APAF1: variants seen among roughly 807,000 people sequenced by gnomAD.
APAF1 encodes the protein apoptotic protease-activating factor 1.
Under a neutral mutation model 152.4 loss-of-function variants are expected in APAF1, and 91 were observed. The ratio of observed to expected loss-of-function variants is 0.60; its 90% confidence interval spans 0.50 to 0.71. The LOEUF is 0.71. Ranked by LOEUF, APAF1 falls within the 30% of genes least tolerant of loss-of-function variation. APAF1 has a pLI of 0.00. For synonymous variants in APAF1, 484 were observed against 494.1 expected (o/e 0.98, Z 0.27); for missense variants, 1,283 against 1,472.0 (o/e 0.87, Z 2.10).
In APAF1 at chr12:98,647,290, ATCCCAAATTTTGCTACTCAGAAGTAAC is replaced by A. The variant is rs1191604593; in HGVS notation, c.-41-1026_-41-1000del. Among the ~76,000 whole-genome samples the A allele has an allele frequency of 6.4e-4, 97 of 151,770 alleles. 1 individual carries two copies. Among genetic ancestry groups the A allele is most frequent in the African/African-American group, 2.3e-3 (96 of 41,434 alleles). On this transcript the variant is annotated intron_variant, in intron 1 of 26. Coordinates refer to ENST00000551964, the MANE Select transcript of APAF1 (RefSeq NM_181861.2). ...AAAAATAAGACAAGGTGGGGGAGAA[ATCCCAAATTTTGCTACTCAGAAGTAAC>A]TCAAACATTTCGATGAATAAACTTC...
chr12:98,651,045 G>T (rs1434122305), intron 4 of APAF1, among the ~76,000 whole-genome samples: 3 of 152,148 alleles, frequency 2.0e-5, no homozygotes, highest in African/African-American at 7.2e-5. Context: ...GAGTCATATT[G>T]TATAAATTGT....
At chr12:98,648,206 G>A in intron 1 of APAF1, 113 bp from the exon 2 acceptor site, 1 of 1,023,556 alleles carries the variant, frequency 9.8e-7, no homozygotes, top group South Asian at 1.5e-5. Flanking sequence ...AAAAATTTTT[G>A]CCAAGGAAAA....
At chr12:98,719,347 T>TTTTTC (rs894886757) in intron 22 of APAF1, among the ~76,000 whole-genome samples, 3 of 152,150 alleles carry the variant, frequency 2.0e-5, no homozygotes, top group Non-Finnish European at 4.4e-5. Context: ...TGCTTTAGAC[T>TTTTTC]TTTTCTTTTC....
At chr12:98,694,919 G>C (rs1288278961) in intron 16 of APAF1, among the ~76,000 whole-genome samples, 1 of 150,548 alleles carries the variant, frequency 6.6e-6, no homozygotes, top group African/African-American at 2.5e-5. Flanking sequence ...GTGTTGCCCA[G>C]GCTGGAGTGC....
chr12:98,712,471 G>T, intron 21 of APAF1, 36 bp downstream of exon 21: 1 of 1,167,926 alleles, frequency 8.6e-7, no homozygotes, highest in Non-Finnish European at 1.3e-6. Context: ...TTTCTGTACA[G>T]AATTAAATAA....
chr12:98,727,263 C>T lies in APAF1; in HGVS notation c.3547C>T (p.Leu1183Phe). 6.2e-7 allele frequency: 1 copy of T among 1,614,094 alleles called. No homozygotes were observed. The change falls in exon 26 of 27, where the codon CTT becomes TTT. Residue 1183 changes from leucine to phenylalanine, a missense_variant. Physicochemically the swap from Leu to Phe is conservative, Grantham distance 22. Transcript: ENST00000551964. ...TACCCATGGAGGCTGGGTGACTGAC[C>T]TTTGCTTTTCTCCAGATGGCAAAAT... ...AATHGGWVTD[L>F]CFSPDGKMLI... is the part of the protein sequence containing the mutation.
intron 22 of APAF1, among the ~76,000 whole-genome samples, chr12:98,718,077 C>T (rs1355243256): frequency 1.3e-5 from 2 of 152,034 alleles, no homozygotes; most frequent in East Asian, 3.9e-4. Context: ...TTCCCTTGAT[C>T]CCTCATTCTC....
At chr12:98,648,565 C>T in intron 2 of APAF1, 61 bp from the exon 3 acceptor site, 1 of 1,609,262 alleles carries the variant, frequency 6.2e-7, no homozygotes, top group South Asian at 1.1e-5. Context: ...GTACTGGTCT[C>T]CACTACTTTA....
chr12:98,667,759 CATTTG>C, intron 10 of APAF1, 115 bp downstream of exon 10: 1 of 652,224 alleles, frequency 1.5e-6, no homozygotes, highest in Non-Finnish European at 2.4e-6. Context: ...TATTGCTTTC[CATTTG>C]ATTTTTTTTT....
In APAF1 at chr12:98,695,148, G is replaced by A. The variant is rs182340467; in HGVS notation, c.2305-4260G>A. Among the ~76,000 whole-genome samples the A allele has an allele frequency of 1.8e-3, 277 of 152,020 alleles. 1 individual carries two copies. The highest frequency in any genetic ancestry group is 6.4e-3 in the African/African-American group (266 of 41,478). ...GCTCACCACAACCTCTGCCTTTTGG[G>A]TTCAAGCAGTTCTCCTGCCTCAGCC... On this transcript the variant is annotated intron_variant, in intron 16 of 26. Coordinates refer to ENST00000551964, the MANE Select transcript of APAF1 (RefSeq NM_181861.2).
At chr12:98,677,641 A>T in intron 13 of APAF1, 90 bp downstream of exon 13, 1 of 1,508,844 alleles carries the variant, frequency 6.6e-7, no homozygotes, top group Non-Finnish European at 9.1e-7. Flanking sequence ...ATTCAAGAAA[A>T]TTGCAACTTA....
chr12:98,649,253 G>C, intron 3 of APAF1: 2 of 976,428 alleles, frequency 2.0e-6, no homozygotes, highest in Non-Finnish European at 2.4e-6. Context: ...GAGTAAAGCA[G>C]ATATAGATAG....
chr12:98,646,117 C>A (rs1051743721), intron 1 of APAF1, among the ~76,000 whole-genome samples: 1 of 152,134 alleles, frequency 6.6e-6, no homozygotes, highest in South Asian at 2.1e-4. Flanking sequence ...AGTTTTAAAA[C>A]GTATTTAAGA....
chr12:98,715,139 C>G (rs1363391529), intron 21 of APAF1, among the ~76,000 whole-genome samples: 1 of 141,274 alleles, frequency 7.1e-6, no homozygotes, highest in Non-Finnish European at 1.5e-5. Flanking sequence ...TAGTTGAGTA[C>G]TCAGAAGGAC....
chr12:98,646,593 T>C (rs148431164), intron 1 of APAF1, among the ~76,000 whole-genome samples: 9 of 152,300 alleles, frequency 5.9e-5, no homozygotes, highest in Non-Finnish European at 2.9e-5. Flanking sequence ...CTGTGAATTA[T>C]TTCAGGCAAA....
At chr12:98,727,143 G>T (rs2097751692) in intron 25 of APAF1, 30 bp from the exon 26 acceptor site, 1 of 1,611,314 alleles carries the variant, frequency 6.2e-7, no homozygotes, top group Admixed American at 1.7e-5. Context: ...GGATAACTCT[G>T]TTAATGAATT....
rs549889334 is a variant in APAF1 at position 98,670,105 on chromosome 12, C to T, written c.1495-868C>T. Among the ~76,000 whole-genome samples the T allele has an allele frequency of 5.5e-4, 83 of 151,936 alleles. 2 individuals are homozygous for T. The highest frequency in any genetic ancestry group is 1.5e-4 in the Non-Finnish European group (10 of 67,972). On this transcript the variant is annotated intron_variant, in intron 10 of 26. Transcript: ENST00000551964. ...GAGCACGGGTGTGCACCACCACACC[C>T]GGCTAATTTTTGTATGTTTTGTAGA...
chr12:98,659,779 GAA>G (rs2097662662), intron 5 of APAF1, among the ~76,000 whole-genome samples: 2 of 136,544 alleles, frequency 1.5e-5, no homozygotes, highest in African/African-American at 6.1e-5. Flanking sequence ...AAAAGAGAGA[GAA>G]AGAAAGAAAG....
intron 19 of APAF1, among the ~76,000 whole-genome samples, chr12:98,707,559 CG>C (rs1278922724): frequency 2.6e-5 from 4 of 152,030 alleles, no homozygotes; most frequent in Non-Finnish European, 4.4e-5. Context: ...GGCTCATTGA[CG>C]TATCTTACAT....
Sources: gnomAD v4.1 joint callset for allele counts (sites outside exome capture counted in the v4.1 genomes callset) on GRCh38, gnomAD v4.1.1 for gene constraint, MANE v1.5 for transcripts, NCBI Gene and HGNC (gene_info 2026-07-23, HGNC 2026-07-21) for gene names.